Variants in LRRC28 observed in about 807,000 individuals in gnomAD.
LRRC28 encodes leucine-rich repeat-containing protein 28.
In LRRC28, 39 loss-of-function variants were observed where a neutral mutation model predicts 45.7. The observed-to-expected ratio is 0.85, with a 90% CI of 0.66 to 1.12. The LOEUF (loss-of-function observed/expected upper bound fraction) is 1.12, where lower values mean the gene tolerates loss of function less well. Among genes scored for constraint, LRRC28 ranks in the 50% most tolerant of loss-of-function variants. The pLI is 0.00. For synonymous variants in LRRC28, 206 were observed against 178.8 expected (o/e 1.15, Z -1.22); for missense variants, 435 against 438.5 (o/e 0.99, Z 0.07).
At chr15:99,347,918 C>T (rs948611296) in intron 6 of LRRC28, among the ~76,000 whole-genome samples, 1 of 152,166 alleles carries the variant, frequency 6.6e-6, no homozygotes, top group South Asian at 2.1e-4. Context: ...GTTCCCTTTT[C>T]TCCACACCCT....
intron 5 of LRRC28, among the ~76,000 whole-genome samples, chr15:99,321,379 A>G (rs965907430): frequency 3.3e-5 from 5 of 152,214 alleles, no homozygotes; most frequent in Admixed American, 6.5e-5. Context: ...TGTGTCAGCT[A>G]TATAGCAGAT....
chr15:99,288,046 A>T lies in LRRC28; in HGVS notation c.385+95A>T, dbSNP rs2082005989. On this transcript the variant is annotated intron_variant, in intron 5 of 9. Transcript: ENST00000301981. ...TGTCTAGGCAATGAGCTGTAGATGTATTTATAAGTATTTGTCCATTTGTTT... is the reference window on the plus strand; with the variant it reads ...TGTCTAGGCAATGAGCTGTAGATGTTTTTATAAGTATTTGTCCATTTGTTT... 1.3e-5 allele frequency: 15 copies of T among 1,184,474 alleles called. No homozygotes were observed. In the South Asian group the frequency reaches 3.6e-4, roughly 28 times the overall value. The allele number at this position is 1,184,474 out of a possible 1,614,324, so 73.4% of individuals were successfully genotyped here. A position where few individuals can be genotyped will look rare whatever the true frequency, so the allele number is the denominator to read the frequency against.
At chr15:99,310,514 T>A (rs12911333) in intron 5 of LRRC28, among the ~76,000 whole-genome samples, 13,101 of 152,240 alleles carry the variant, frequency 0.086, 685 homozygotes, top group African/African-American at 0.14. Context: ...GACATTATGT[T>A]CTACTACCCA....
At chr15:99,340,770 G>A (rs1273384106) in intron 6 of LRRC28, among the ~76,000 whole-genome samples, 1 of 152,170 alleles carries the variant, frequency 6.6e-6, no homozygotes, top group African/African-American at 2.4e-5. Flanking sequence ...TTCAAAAAGG[G>A]GGCCCAAACA....
At chr15:99,314,741 T>A (rs918515737) in intron 5 of LRRC28, among the ~76,000 whole-genome samples, 9 of 152,070 alleles carry the variant, frequency 5.9e-5, no homozygotes, top group African/African-American at 2.2e-4. Context: ...TTTAAGTTCC[T>A]CTATAAGATG....
chr15:99,337,069 CTT>C (rs1158670322), intron 6 of LRRC28, among the ~76,000 whole-genome samples: 3 of 152,226 alleles, frequency 2.0e-5, no homozygotes, highest in Non-Finnish European at 2.9e-5. Context: ...AGTCGAATGA[CTT>C]TTGTTTGCTG....
intron 6 of LRRC28, among the ~76,000 whole-genome samples, chr15:99,336,930 T>C (rs1460740213): frequency 6.6e-6 from 1 of 152,208 alleles, no homozygotes; most frequent in Non-Finnish European, 1.5e-5. Context: ...ACTGGCTACA[T>C]TGAGCCTGCC....
In LRRC28 at chr15:99,377,892, A is replaced by C. The variant is rs190482395; in HGVS notation, c.1032-8138A>C. ...ATTTCTGAGGGCTCTGTTCTGTTCC[A>C]TTGGTCTATAGCTCTGTTTTGGTAC... On this transcript the variant is annotated intron_variant, in intron 9 of 9. Transcript: ENST00000301981. Among the ~76,000 whole-genome samples the C allele has an allele frequency of 9.7e-4, 148 of 152,188 alleles. 2 individuals are homozygous for C. Among genetic ancestry groups the C allele is most frequent in the Admixed American group, 2.7e-3 (41 of 15,282 alleles).
intron 6 of LRRC28, among the ~76,000 whole-genome samples, chr15:99,336,089 T>C (rs1212253532): frequency 1.3e-5 from 2 of 152,204 alleles, no homozygotes; most frequent in East Asian, 3.8e-4. Context: ...AAGGAGTGTT[T>C]CCATGTGCAA....
chr15:99,256,970 T>TA (rs939052585), intron 2 of LRRC28, among the ~76,000 whole-genome samples: 10 of 152,236 alleles, frequency 6.6e-5, no homozygotes, highest in African/African-American at 2.2e-4. Flanking sequence ...TATGAAATCT[T>TA]ACTACTTTGT....
intron 9 of LRRC28, among the ~76,000 whole-genome samples, chr15:99,369,907 C>A (rs1194204386): frequency 1.3e-5 from 2 of 152,112 alleles, no homozygotes; most frequent in Non-Finnish European, 2.9e-5. Flanking sequence ...GGCTTTATTG[C>A]TGTGTTATCT....
intron 6 of LRRC28, among the ~76,000 whole-genome samples, chr15:99,349,972 T>C (rs1177960229): frequency 2.0e-5 from 3 of 150,556 alleles, no homozygotes; most frequent in African/African-American, 7.3e-5. Flanking sequence ...CCGTCTCTAC[T>C]AAAAATACAA....
rs530260827 is a variant in LRRC28, at chr15:99,330,992, A to G, written c.386-2931A>G. Among the ~76,000 whole-genome samples the G allele has an allele frequency of 2.0e-5, 3 of 152,136 alleles. No individual in the cohort carries two copies. The South Asian group carries it at 6.2e-4, about 32-fold the overall frequency. ...TTTATAGTTTGATTATGATGTGTATAGGTGTGGGTCTCTGTGTTTATCCTA... is the reference window on the plus strand; with the variant it reads ...TTTATAGTTTGATTATGATGTGTATGGGTGTGGGTCTCTGTGTTTATCCTA... On this transcript the variant is annotated intron_variant, in intron 5 of 9. Transcript: ENST00000301981.
intron 5 of LRRC28, 68 bp from the exon 6 acceptor site, chr15:99,333,855 T>C: frequency 6.8e-7 from 1 of 1,475,028 alleles, no homozygotes; most frequent in Non-Finnish European, 9.4e-7. Flanking sequence ...ACTGTTATAA[T>C]ATTGATTCAT....
chr15:99,292,114 T>C (rs2082136803), intron 5 of LRRC28, among the ~76,000 whole-genome samples: 1 of 152,198 alleles, frequency 6.6e-6, no homozygotes, highest in Non-Finnish European at 1.5e-5. Flanking sequence ...GCTCCATCCT[T>C]GGCCTGTAAA....
intron 5 of LRRC28, among the ~76,000 whole-genome samples, chr15:99,331,050 T>C (rs1028950081): frequency 6.6e-6 from 1 of 152,182 alleles, no homozygotes; most frequent in African/African-American, 2.4e-5. Context: ...AAGTCTTTAA[T>C]ATTTCTCATC....
intron 2 of LRRC28, among the ~76,000 whole-genome samples, chr15:99,260,433 GATTAA>G (rs1262630915): frequency 1.3e-5 from 2 of 152,148 alleles, no homozygotes; most frequent in African/African-American, 2.4e-5. Context: ...AATCATCAAA[GATTAA>G]ATTGTTGTAT....
At chr15:99,374,162 C>T (rs1435822771) in intron 9 of LRRC28, among the ~76,000 whole-genome samples, 1 of 152,004 alleles carries the variant, frequency 6.6e-6, no homozygotes, top group African/African-American at 2.4e-5. Context: ...ATAAGAATTG[C>T]TTTAACTTTA....
At chr15:99,275,234 C>T (rs2081586531) in intron 2 of LRRC28, among the ~76,000 whole-genome samples, 1 of 152,252 alleles carries the variant, frequency 6.6e-6, no homozygotes, top group Non-Finnish European at 1.5e-5. Flanking sequence ...AGCCTGCTTT[C>T]AACCTGTGAG....
Sources: allele counts gnomAD v4.1 joint callset (sites outside exome capture counted in the v4.1 genomes callset), GRCh38; gene constraint gnomAD v4.1.1; transcripts MANE v1.5; gene names NCBI Gene and HGNC (gene_info 2026-07-23, HGNC 2026-07-21).